CEP295: variants seen among roughly 807,000 people sequenced by gnomAD.
CEP295 encodes centrosomal protein 295, also known as centrosomal protein of 295 kDa.
Under a neutral mutation model 291.6 loss-of-function variants are expected in CEP295, and 190 were observed. The ratio of observed to expected loss-of-function variants is 0.65; its 90% confidence interval spans 0.58 to 0.73. The LOEUF (loss-of-function observed/expected upper bound fraction) is 0.73, where lower values mean the gene tolerates loss of function less well. Among genes scored for constraint, CEP295 ranks in the 30% least tolerant of loss-of-function variants. CEP295 has a pLI of 0.00. For synonymous variants in CEP295, 993 were observed against 1,038.8 expected (o/e 0.96, Z 0.85); for missense variants, 2,863 against 2,949.4 (o/e 0.97, Z 0.68).
Position 93,668,801 on chromosome 11 carries a change from T to C in CEP295, c.310-7T>C. 1 of 1,506,694 alleles carries C rather than the reference T, an allele frequency of 6.6e-7. No homozygotes were observed. The highest frequency in any genetic ancestry group is 8.9e-7 in the Non-Finnish European group (1 of 1,126,960). 93.3% of individuals were successfully genotyped at this position (1,506,694 alleles called of 1,614,324 possible). ...AACATGACATTTTAAGTAATATATA[T>C]TTTTAGGAACCTGATTTGGATGCTT... On this transcript the variant is annotated splice_region_variant and splice_polypyrimidine_tract_variant and intron_variant, in intron 3 of 29. Coordinates refer to ENST00000325212, the MANE Select transcript of CEP295 (RefSeq NM_033395.2).
Position 93,723,259 on chromosome 11 carries a change from A to G in CEP295, c.6166A>G (p.Asn2056Asp), listed in dbSNP as rs1472938298. ...GATAGACAAGTACATTAATGAAGCAAATTTGATACCTGAAAAAACAGATTT... is the reference window on the plus strand; with the variant it reads ...GATAGACAAGTACATTAATGAAGCAGATTTGATACCTGAAAAAACAGATTT... ...QMIDKYINEA[N>D]LIPEKTDLQE... The change falls in exon 21 of 30, where the codon AAT (asparagine) becomes GAT (aspartate). Residue 2056 changes from asparagine (N) to aspartate (D), a missense_variant. This residue lies in a region of CEP295 where 2,295 missense variants were observed against 2,335.7 expected (regional missense o/e 0.98). Transcript: ENST00000325212. 1 of 1,530,934 alleles carries G rather than the reference A, an allele frequency of 6.5e-7. No individual in the cohort carries two copies. The highest frequency in any genetic ancestry group is 8.8e-7 in the Non-Finnish European group (1 of 1,135,736). The allele number at this position is 1,530,934 out of a possible 1,614,324, so 94.8% of individuals were successfully genotyped here.
chr11:93,698,447 G>C lies in CEP295; in HGVS notation c.3535G>C (p.Ala1179Pro). ...QSQIQRVILG[A>P]KEGTQEFVHT... ...ACAAATACAAAGGGTAATACTTGGT[G>C]CTAAAGAAGGAACTCAGGAATTTGT... The change falls in exon 15 of 30, where the codon GCT becomes CCT. Residue 1179 changes from alanine to proline, a missense_variant. Physicochemically the swap from Ala to Pro is conservative, Grantham distance 27 (BLOSUM62 -1). Transcript: ENST00000325212. The C allele has an allele frequency of 6.4e-7, 1 of 1,552,010 alleles. No homozygotes were observed. The highest frequency in any genetic ancestry group is 1.2e-5 in the South Asian group (1 of 84,062).
intron 6 of CEP295, among the ~76,000 whole-genome samples, chr11:93,676,034 A>G (rs1360046132): frequency 6.6e-6 from 1 of 152,084 alleles, no homozygotes. Context: ...TAAATTCATT[A>G]TAACCTTTAT....
At chr11:93,669,617 C>T in intron 4 of CEP295, 60 bp from the exon 5 acceptor site, 2 of 1,093,512 alleles carry the variant, frequency 1.8e-6, no homozygotes, top group Non-Finnish European at 1.3e-6. Flanking sequence ...TATTTTTAAC[C>T]CTGTTGTACT....
rs1352730241 is a variant in CEP295 at position 93,702,537 on chromosome 11, A to C, written c.5352A>C (p.Gln1784His). ...TCAGAGACTGGTTTCCTAATACACA[A>C]GACCTAGCAGGAAATGATCAAGAAA... is the stretch of plus-strand genomic sequence containing the variant. ...GQLRDWFPNT[Q>H]DLAGNDQENI... The change falls in exon 16 of 30, where the codon CAA becomes CAC. Residue 1784 changes from glutamine to histidine, a missense_variant. Gln to His is a conservative substitution (Grantham distance 24, BLOSUM62 0). Coordinates refer to ENST00000325212, the MANE Select transcript of CEP295 (RefSeq NM_033395.2). 1 of 1,551,134 alleles carries C rather than the reference A, an allele frequency of 6.4e-7. No individual in the cohort carries two copies. Among genetic ancestry groups the C allele is most frequent in the East Asian group, 2.4e-5 (1 of 40,896 alleles).
In CEP295 at chr11:93,701,628, G is replaced by A. The variant is rs1050606200; in HGVS notation, c.5275-832G>A. ...TTGTTTGTTTGTTTGTTTTTGAGAC[G>A]GAGTCTTGCTCTGTCACCAGGCTGG... On this transcript the variant is annotated intron_variant, in intron 15 of 29. Coordinates refer to ENST00000325212, the MANE Select transcript of CEP295 (RefSeq NM_033395.2). 4.7e-5 allele frequency among the ~76,000 whole-genome samples: 7 copies of A among 150,470 alleles called. 1 individual carries two copies. In the South Asian group the frequency reaches 1.2e-3, roughly 27 times the overall value.
intron 24 of CEP295, 103 bp from the exon 25 acceptor site, chr11:93,728,578 C>A: frequency 1.0e-6 from 1 of 969,664 alleles, no homozygotes. Flanking sequence ...TCCATTTTCA[C>A]ATTTATATAC....
At chr11:93,696,130 C>T (rs1423877632) in intron 13 of CEP295, among the ~76,000 whole-genome samples, 190 bp from the exon 14 acceptor site, 1 of 151,956 alleles carries the variant, frequency 6.6e-6, no homozygotes, top group Non-Finnish European at 1.5e-5. Context: ...GTAGGTAATG[C>T]GTATGTTGAG....
Position 93,724,163 on chromosome 11 carries a change from T to C in CEP295, c.6197-91T>C, listed in dbSNP as rs116513560. The stretch of plus-strand genomic sequence containing the variant: ...CTGAAAATAAGCGTTTATGAATATG[T>C]TCTTAATACTCCTTTTCTAGTGTTT... On this transcript the variant is annotated intron_variant, in intron 21 of 29. Transcript: ENST00000325212. 1.0e-3 allele frequency: 1,245 copies of C among 1,210,644 alleles called. 9 individuals carry two copies. The African/African-American group carries it at 0.016, about 16-fold the overall frequency. The allele number at this position is 1,210,644 out of a possible 1,614,324, so 75.0% of individuals were successfully genotyped here.
intron 25 of CEP295, 120 bp downstream of exon 25, chr11:93,728,941 C>T: frequency 1.3e-6 from 1 of 764,346 alleles, no homozygotes; most frequent in South Asian, 2.0e-5. Flanking sequence ...ACTAAGCCGA[C>T]ACCCCCACCA....
intron 4 of CEP295, 24 bp downstream of exon 4, chr11:93,668,956 A>C: frequency 1.0e-6 from 1 of 989,212 alleles, no homozygotes; most frequent in Non-Finnish European, 1.5e-6. Context: ...TTTTACTATA[A>C]TCTCAACTGA....
At chr11:93,700,235 A>G (rs1339385928) in intron 15 of CEP295, 49 bp downstream of exon 15, 42 of 1,437,668 alleles carry the variant, frequency 2.9e-5, no homozygotes, top group Non-Finnish European at 3.9e-5. Context: ...TTTAAACCCA[A>G]ATCAGTTTTT....
chr11:93,662,547 A>G (rs1234512663), intron 1 of CEP295, among the ~76,000 whole-genome samples: 3 of 152,252 alleles, frequency 2.0e-5, no homozygotes, highest in African/African-American at 7.2e-5. Context: ...AATATTGGAT[A>G]GTAATAAAAT....
chr11:93,675,920 A>C (rs995069651), intron 6 of CEP295, among the ~76,000 whole-genome samples: 12 of 152,066 alleles, frequency 7.9e-5, no homozygotes, highest in African/African-American at 2.7e-4. Flanking sequence ...TTATCATAAA[A>C]TATTACATGC....
At chr11:93,662,335 T>A (rs557437937) in intron 1 of CEP295, among the ~76,000 whole-genome samples, 50 of 152,216 alleles carry the variant, frequency 3.3e-4, no homozygotes, top group Non-Finnish European at 5.7e-4. Context: ...TTGGGGTAGA[T>A]ATTATTATTC....
Position 93,700,167 on chromosome 11 carries a change from A to T in CEP295, c.5255A>T (p.Asp1752Val). ...CAGAAACATGAAGAGACTTTGAAGG[A>T]TTTCTTTAAAGACAGTCAGGTATGT... ...QIQKHEETLK[D>V]FFKDSQISKP... Residue 1752 changes from aspartate (D) to valine (V), a missense_variant, in exon 15 of 30, where the codon GAT (aspartate) becomes GTT (valine). Transcript: ENST00000325212. 6.5e-7 allele frequency: 1 copy of T among 1,548,016 alleles called. No homozygotes were observed. Among genetic ancestry groups the T allele is most frequent in the Non-Finnish European group, 8.7e-7 (1 of 1,145,972 alleles).
intron 5 of CEP295, 112 bp downstream of exon 5, chr11:93,669,882 A>G (rs1445645721): frequency 7.6e-6 from 5 of 658,572 alleles, no homozygotes; most frequent in African/African-American, 7.3e-5. Flanking sequence ...TTCTTGTACA[A>G]TTAAAAACTT....
chr11:93,728,942 A>C, intron 25 of CEP295, 121 bp downstream of exon 25: 1 of 762,692 alleles, frequency 1.3e-6, no homozygotes, highest in Non-Finnish European at 2.0e-6. Context: ...CTAAGCCGAC[A>C]CCCCCACCAG....
chr11:93,725,926 A>T, intron 23 of CEP295, 95 bp downstream of exon 23: 1 of 964,460 alleles, frequency 1.0e-6, no homozygotes. Context: ...GTTTGTCTTC[A>T]CCCCTGCTCT....
Sources: allele counts gnomAD v4.1 joint callset (sites outside exome capture counted in the v4.1 genomes callset), GRCh38; gene constraint gnomAD v4.1.1; regional missense constraint gnomAD v4.1.1; transcripts MANE v1.5; gene names NCBI Gene and HGNC (gene_info 2026-07-23, HGNC 2026-07-21).